Variants in UTRN observed in about 807,000 individuals in gnomAD.
The protein encoded by UTRN is dystrophin-related protein 1.
In UTRN, 283 loss-of-function variants were observed where a neutral mutation model predicts 463.9. That is an observed-to-expected ratio of 0.61 (90% CI 0.55 to 0.67). UTRN has a LOEUF of 0.67. Among genes scored for constraint, UTRN ranks in the 30% least tolerant of loss-of-function variants. The pLI, the probability that UTRN is intolerant of heterozygous loss-of-function variation, is 0.00. For missense variants in UTRN, 3,922 were observed against 4,084.3 expected (o/e 0.96, Z 1.08); for synonymous variants, 1,442 against 1,431.5 (o/e 1.01, Z -0.17).
chr6:144,745,399 TTTTTG>T (rs1790609235), intron 54 of UTRN, among the ~76,000 whole-genome samples: 2 of 152,136 alleles, frequency 1.3e-5, no homozygotes. Flanking sequence ...TTCTAGAAAG[TTTTTG>T]TTTTGTTTTT....
intron 11 of UTRN, 62 bp downstream of exon 11, chr6:144,437,808 G>A (rs770057298): frequency 2.6e-5 from 39 of 1,504,988 alleles, no homozygotes; most frequent in Non-Finnish European, 3.2e-5. Flanking sequence ...TTGAGCTCTA[G>A]TAGATGTCTG....
chr6:144,521,954 TA>T (rs201009344), intron 39 of UTRN, 25 bp from the exon 40 acceptor site: 12,236 of 1,018,044 alleles, frequency 0.012, 6 homozygotes, highest in East Asian at 0.039. Flanking sequence ...TATATATATA[TA>T]TTTTTTTTTT....
chr6:144,514,050 G>A lies in UTRN; in HGVS notation c.5073+13G>A. 1 of 1,613,396 alleles carries A rather than the reference G, an allele frequency of 6.2e-7. No individual in the cohort carries two copies. The highest frequency in any genetic ancestry group is 8.5e-7 in the Non-Finnish European group (1 of 1,179,612). ...AGAAATTGTGAAGGTAGCAAACACA[G>A]ACATCAGTAACGCTTTTGGGAGTGG... On this transcript the variant is annotated intron_variant, in intron 36 of 74. Transcript: ENST00000367545.
chr6:144,347,585 A>G (rs1777691777), intron 2 of UTRN, among the ~76,000 whole-genome samples: 1 of 152,198 alleles, frequency 6.6e-6, no homozygotes, highest in Admixed American at 6.5e-5. Flanking sequence ...GTTAGGCTGA[A>G]CAGTGGCTGT....
intron 74 of UTRN, among the ~76,000 whole-genome samples, chr6:144,848,187 T>C (rs1268237405): frequency 6.6e-6 from 1 of 151,924 alleles, no homozygotes; most frequent in Non-Finnish European, 1.5e-5. Flanking sequence ...GACTGGAGGA[T>C]GTGTGATAGC....
chr6:144,846,822 C>T lies in UTRN; in HGVS notation c.10288C>T (p.Pro3430Ser). Residue 3430 changes from proline to serine, a missense_variant, in exon 74 of 75, where the codon CCA becomes TCA. This residue lies in a region of UTRN where 1,309 missense variants were observed against 1,452.6 expected (regional missense o/e 0.90). Transcript: ENST00000367545. ...TCTTTCAGCAAATGTTCCCAGCAGG[C>T]CACAGGTAAGAGTTAATGGCTTGGT... ...PSCCPNVPSR[P>S]QAM The T allele has an allele frequency of 6.2e-7, 1 of 1,614,022 alleles. No homozygotes were observed. The highest frequency in any genetic ancestry group is 8.5e-7 in the Non-Finnish European group (1 of 1,179,940).
intron 45 of UTRN, among the ~76,000 whole-genome samples, chr6:144,540,226 T>C (rs1402404489): frequency 6.6e-6 from 1 of 152,082 alleles, no homozygotes; most frequent in Non-Finnish European, 1.5e-5. Context: ...ATTATTTTTT[T>C]TTTGCCATTG....
At chr6:144,287,956 C>G (rs544722672) in intron 1 of UTRN, among the ~76,000 whole-genome samples, 1 of 152,286 alleles carries the variant, frequency 6.6e-6, no homozygotes, top group East Asian at 1.9e-4. Context: ...GTGTTCCCTC[C>G]ATTTTATAGG....
At chr6:144,690,106 T>G (rs1783233987) in intron 52 of UTRN, among the ~76,000 whole-genome samples, 1 of 104,172 alleles carries the variant, frequency 9.6e-6, no homozygotes. Context: ...TGTGTGTGTG[T>G]GTGTGTGTGT....
At chr6:144,696,566 A>G (rs544477807) in intron 52 of UTRN, among the ~76,000 whole-genome samples, 2 of 152,168 alleles carry the variant, frequency 1.3e-5, no homozygotes, top group Non-Finnish European at 2.9e-5. Flanking sequence ...TCCTGGGAGT[A>G]GGAACAATCT....
intron 52 of UTRN, among the ~76,000 whole-genome samples, chr6:144,689,509 CT>C (rs1372674552): frequency 2.0e-5 from 3 of 152,220 alleles, no homozygotes; most frequent in Non-Finnish European, 4.4e-5. Flanking sequence ...AGCACTCCCT[CT>C]TTCCCCTAGG....
chr6:144,779,927 T>C (rs1775670076), intron 60 of UTRN, among the ~76,000 whole-genome samples: 1 of 150,156 alleles, frequency 6.7e-6, no homozygotes, highest in Admixed American at 6.7e-5. Context: ...TCCAGACTTG[T>C]ATGTTTTATG....
At position 144,516,888 on chromosome 6, in the gene UTRN, TA is replaced by T; in HGVS notation, c.5487del (p.Glu1830LysfsTer81). On this transcript the variant is annotated frameshift_variant, in exon 39 of 75. Coordinates refer to ENST00000367545, the MANE Select transcript of UTRN (RefSeq NM_007124.3). LOFTEE classifies it high-confidence loss of function. ...TGTTACATCAACCTATGGAAGATAA[TA>T]AAAAAGAAAAGATCCGTTTGCAATT... ...EMLHQPMEDN[K>X]KEKIRLQLLL... 1 of 1,509,268 alleles carries T rather than the reference TA, an allele frequency of 6.6e-7. No homozygotes were observed. Among genetic ancestry groups the T allele is most frequent in the East Asian group, 2.6e-5 (1 of 38,752 alleles). The allele number at this position is 1,509,268 out of a possible 1,614,324, so 93.5% of individuals were successfully genotyped here.
chr6:144,466,204 C>G (rs537768798), intron 23 of UTRN, among the ~76,000 whole-genome samples: 1 of 152,342 alleles, frequency 6.6e-6, no homozygotes, highest in African/African-American at 2.4e-5. Context: ...GGAAGTGAAT[C>G]CCACTACTTA....
chr6:144,730,418 G>T lies in UTRN; in HGVS notation c.7871G>T (p.Arg2624Leu). 1.2e-6 allele frequency: 2 copies of T among 1,611,902 alleles called. No homozygotes were observed. Among genetic ancestry groups the T allele is most frequent in the Non-Finnish European group, 1.7e-6 (2 of 1,178,888 alleles). The change falls in exon 54 of 75, where the codon CGA (arginine) becomes CTA (leucine). Residue 2624 changes from arginine (R) to leucine (L), a missense_variant. By Grantham distance (102) the Arg-to-Leu change is moderately radical. This residue lies in a region of UTRN where 1,309 missense variants were observed against 1,452.6 expected (regional missense o/e 0.90). Coordinates refer to ENST00000367545, the MANE Select transcript of UTRN (RefSeq NM_007124.3). Reference protein sequence around the residue: ...YSVLNAVDQARVFLADQPIEA... With the variant: ...YSVLNAVDQALVFLADQPIEA... Reference sequence around the variant, plus strand: ...GTCCTGAATGCTGTCGACCAGGCCCGAGTTTTCTTGGCTGATCAGCCAATT... The same window carrying T: ...GTCCTGAATGCTGTCGACCAGGCCCTAGTTTTCTTGGCTGATCAGCCAATT...
At chr6:144,754,209 TACAAAAGAGAGATGAGTGGTC>T (rs1791729121) in intron 56 of UTRN, among the ~76,000 whole-genome samples, 1 of 152,122 alleles carries the variant, frequency 6.6e-6, no homozygotes, top group African/African-American at 2.4e-5. Flanking sequence ...CCATCTTCCT[TACAAAAGAGAGATGAGTGGTC>T]ACTGATCCCA....
At chr6:144,313,974 T>C (rs1000959091) in intron 2 of UTRN, among the ~76,000 whole-genome samples, 1 of 152,232 alleles carries the variant, frequency 6.6e-6, no homozygotes, top group Non-Finnish European at 1.5e-5. Flanking sequence ...TGTTATGTCT[T>C]TAATACACTA....
intron 41 of UTRN, among the ~76,000 whole-genome samples, chr6:144,525,329 C>T (rs940940043): frequency 6.6e-6 from 1 of 151,824 alleles, no homozygotes; most frequent in African/African-American, 2.4e-5. Flanking sequence ...CTTTTTTTTG[C>T]TGGTAATTTT....
At chr6:144,817,534 C>T (rs923824526) in intron 65 of UTRN, among the ~76,000 whole-genome samples, 2 of 150,964 alleles carry the variant, frequency 1.3e-5, no homozygotes, top group African/African-American at 4.9e-5. Context: ...TCTTTTTTTC[C>T]AAACCAAACC....
Sources: gnomAD v4.1 joint callset for allele counts (sites outside exome capture counted in the v4.1 genomes callset) on GRCh38, gnomAD v4.1.1 for gene constraint, gnomAD v4.1.1 regional missense constraint, MANE v1.5 for transcripts, NCBI Gene and HGNC (gene_info 2026-07-23, HGNC 2026-07-21) for gene names.